Variants in TSHZ2 observed in about 807,000 individuals in gnomAD.
TSHZ2 encodes the protein teashirt homolog 2.
Under a neutral mutation model 74.4 loss-of-function variants are expected in TSHZ2, and 21 were observed. The observed-to-expected ratio is 0.28, with a 90% CI of 0.20 to 0.41. The LOEUF (loss-of-function observed/expected upper bound fraction) is 0.41, where lower values mean the gene tolerates loss of function less well. TSHZ2 is among the 10% of genes least tolerant of loss of function. The pLI is 1.00. For synonymous variants in TSHZ2, 540 were observed against 515.3 expected (o/e 1.05, Z -0.65); for missense variants, 1,244 against 1,293.5 (o/e 0.96, Z 0.59).
At chr20:53,451,497 G>T (rs1032029545) in intron 2 of TSHZ2, among the ~76,000 whole-genome samples, 5 of 152,136 alleles carry the variant, frequency 3.3e-5, no homozygotes, top group Admixed American at 2.0e-4. Context: ...AAGCCAAACT[G>T]CTTCCTGCCT....
At chr20:53,139,456 A>C (rs1987333198) in intron 1 of TSHZ2, among the ~76,000 whole-genome samples, 1 of 152,218 alleles carries the variant, frequency 6.6e-6, no homozygotes, top group African/African-American at 2.4e-5. Flanking sequence ...CCTTTCTTTA[A>C]AAAGTATTTG....
intron 1 of TSHZ2, among the ~76,000 whole-genome samples, chr20:53,137,493 A>C (rs371611466): frequency 6.6e-6 from 1 of 152,132 alleles, no homozygotes; most frequent in East Asian, 1.9e-4. Context: ...GCTGTCAGGA[A>C]CTGCCCCTCC....
At chr20:53,121,720 A>G (rs1303863931) in intron 1 of TSHZ2, among the ~76,000 whole-genome samples, 1 of 152,206 alleles carries the variant, frequency 6.6e-6, no homozygotes, top group Non-Finnish European at 1.5e-5. Context: ...CAAGCCAAAG[A>G]AAACACATTT....
chr20:53,081,381 T>A (rs894949092), intron 1 of TSHZ2, among the ~76,000 whole-genome samples: 1 of 152,208 alleles, frequency 6.6e-6, no homozygotes, highest in Non-Finnish European at 1.5e-5. Flanking sequence ...CACTTTCAGC[T>A]TGACACTGAG....
chr20:53,490,883 G>T lies in TSHZ2; in HGVS notation c.*3748G>T, dbSNP rs899063816. The T allele has an allele frequency of 7.9e-5, 12 of 152,102 alleles. No individual in the cohort carries two copies. The highest frequency in any genetic ancestry group is 2.9e-4 in the African/African-American group (12 of 41,440). 9.4% of individuals were successfully genotyped at this position (152,102 alleles called of 1,614,324 possible). On this transcript the variant is annotated 3_prime_UTR_variant, in exon 3 of 3. Transcript: ENST00000371497. ...TTTTCCAGGGTCTATGGACAATGTG[G>T]CAGTAAGAGTCTATGATGTTCTGAA...
intron 1 of TSHZ2, among the ~76,000 whole-genome samples, chr20:52,982,296 A>G (rs966067617): frequency 6.6e-6 from 1 of 152,180 alleles, no homozygotes; most frequent in Non-Finnish European, 1.5e-5. Flanking sequence ...TTAATTTATT[A>G]TGATCGTTTA....
intron 2 of TSHZ2, among the ~76,000 whole-genome samples, chr20:53,392,236 G>A (rs1038423105): frequency 2.0e-5 from 3 of 152,102 alleles, no homozygotes; most frequent in African/African-American, 7.2e-5. Context: ...TCTGAAGTTG[G>A]GAGTTCAAGA....
At chr20:53,028,790 G>A (rs919759224) in intron 1 of TSHZ2, among the ~76,000 whole-genome samples, 2 of 152,122 alleles carry the variant, frequency 1.3e-5, no homozygotes, top group African/African-American at 4.8e-5. Context: ...GCACTCTGGA[G>A]ATTACACCAT....
intron 2 of TSHZ2, among the ~76,000 whole-genome samples, chr20:53,373,103 G>A (rs1286096490): frequency 6.6e-6 from 1 of 152,166 alleles, no homozygotes; most frequent in African/African-American, 2.4e-5. Flanking sequence ...AAATGGAAAA[G>A]TTCACAAGGA....
At chr20:53,349,824 G>A (rs568850767) in intron 2 of TSHZ2, among the ~76,000 whole-genome samples, 3 of 152,090 alleles carry the variant, frequency 2.0e-5, no homozygotes, top group Non-Finnish European at 4.4e-5. Context: ...ACAAACAGTG[G>A]CTTAAAAGAA....
intron 2 of TSHZ2, among the ~76,000 whole-genome samples, chr20:53,428,118 G>C (rs1392526219): frequency 6.6e-6 from 1 of 152,346 alleles, no homozygotes; most frequent in South Asian, 2.1e-4. Context: ...CCAGGAATGA[G>C]AAGTCTCTGT....
chr20:53,252,932 T>G (rs564122788), intron 1 of TSHZ2, among the ~76,000 whole-genome samples: 2 of 152,196 alleles, frequency 1.3e-5, no homozygotes, highest in Non-Finnish European at 1.5e-5. Context: ...TGTGATTCCC[T>G]ACAAATAAAA....
At chr20:53,375,745 G>C (rs1981635829) in intron 2 of TSHZ2, among the ~76,000 whole-genome samples, 1 of 152,086 alleles carries the variant, frequency 6.6e-6, no homozygotes, top group African/African-American at 2.4e-5. Context: ...TAGAACTACT[G>C]GGAAACATTC....
chr20:53,035,067 C>G (rs1983769941), intron 1 of TSHZ2, among the ~76,000 whole-genome samples: 1 of 152,114 alleles, frequency 6.6e-6, no homozygotes, highest in Non-Finnish European at 1.5e-5. Flanking sequence ...GCATGAACGA[C>G]TTAGGACGTG....
intron 2 of TSHZ2, chr20:53,455,272 T>G (rs1985012021): frequency 6.6e-6 from 1 of 152,262 alleles, no homozygotes; most frequent in Admixed American, 6.5e-5. Flanking sequence ...TGACGTGGTC[T>G]TGATGGCTTG....
chr20:53,301,048 C>T (rs1991468055), intron 2 of TSHZ2, among the ~76,000 whole-genome samples: 1 of 152,010 alleles, frequency 6.6e-6, no homozygotes, highest in Admixed American at 6.6e-5. Flanking sequence ...CTGCAACCTT[C>T]ACGTCCCCGG....
intron 1 of TSHZ2, among the ~76,000 whole-genome samples, chr20:53,042,851 G>T (rs1252685396): frequency 6.6e-6 from 1 of 152,156 alleles, no homozygotes; most frequent in East Asian, 1.9e-4. Flanking sequence ...AGAAATGCTG[G>T]CACAAATGTG....
chr20:53,150,070 A>G (rs540529297), intron 1 of TSHZ2, among the ~76,000 whole-genome samples: 1 of 152,318 alleles, frequency 6.6e-6, no homozygotes, highest in South Asian at 2.1e-4. Context: ...TAAATGTTTT[A>G]CTTATACACC....
chr20:53,430,207 C>T (rs1324565893), intron 2 of TSHZ2, among the ~76,000 whole-genome samples: 9 of 152,040 alleles, frequency 5.9e-5, no homozygotes, highest in East Asian at 5.8e-4. Context: ...AGGGTTGAAG[C>T]GATTCTCCTG....
Sources: gnomAD v4.1 joint callset for allele counts (sites outside exome capture counted in the v4.1 genomes callset) on GRCh38, gnomAD v4.1.1 for gene constraint, MANE v1.5 for transcripts, NCBI Gene and HGNC (gene_info 2026-07-23, HGNC 2026-07-21) for gene names.